The following SNAPC3 variants were observed in gnomAD, a reference collection of about 807,000 sequenced individuals.
The protein encoded by SNAPC3 is snRNA-activating protein complex subunit 3.
SNAPC3 carries 56 observed loss-of-function variants against 47.7 expected under a neutral mutation model. The ratio of observed to expected loss-of-function variants is 1.18; its 90% CI spans 0.95 to 1.47. The LOEUF (loss-of-function observed/expected upper bound fraction) is 1.47. SNAPC3 is among the 40% of genes most tolerant of loss of function. The pLI is 0.00. For missense variants in SNAPC3, 665 were observed against 511.3 expected, an observed-to-expected ratio of 1.30 and a Z score of -2.90; for synonymous variants, 235 against 189.9, an observed-to-expected ratio of 1.24 and a Z score of -1.95.
intron 2 of SNAPC3, among the ~76,000 whole-genome samples, chr9:15,432,696 A>C (rs2032318930): frequency 6.6e-6 from 1 of 152,226 alleles, no homozygotes; most frequent in Non-Finnish European, 1.5e-5. Context: ...TGAAATAAAC[A>C]GATGGGAGGA....
Position 15,460,375 on chromosome 9 carries a change from CAA to C in SNAPC3, c.*512_*513del, listed in dbSNP as rs1471149553. On this transcript the variant is annotated 3_prime_UTR_variant, in exon 9 of 9. Coordinates refer to ENST00000380821, the MANE Select transcript of SNAPC3 (RefSeq NM_001039697.2). ...GAGAATGAATTATTTACAAATAAGACAAAATTAATAGCTTTGGGATTATTTAT... is the reference window on the plus strand; with the variant it reads ...GAGAATGAATTATTTACAAATAAGACAATTAATAGCTTTGGGATTATTTAT... 1.3e-5 allele frequency: 2 copies of C among 152,194 alleles called. No homozygotes were observed. Among genetic ancestry groups the C allele is most frequent in the Admixed American group, 6.5e-5 (1 of 15,274 alleles). 9.4% of individuals were successfully genotyped at this position (152,194 alleles called of 1,614,324 possible).
Position 15,423,035 on chromosome 9 carries a change from G to C in SNAPC3, c.156G>C (p.Arg52=), listed in dbSNP as rs756050395. The C allele has an allele frequency of 1.3e-6, 2 of 1,524,898 alleles. No individual in the cohort carries two copies. Among genetic ancestry groups the C allele is most frequent in the South Asian group, 1.3e-5 (1 of 79,948 alleles). 94.5% of individuals were successfully genotyped at this position (1,524,898 alleles called of 1,614,324 possible). A position where few individuals can be genotyped will look rare whatever the true frequency, so the allele number is the denominator to read the frequency against. ...FHVGAFGELW[R]GRLRGAGDLS... is the part of the protein sequence containing the mutation. Reference sequence around the variant, plus strand: ...TGGGCGCCTTTGGGGAGCTGTGGCGGGGCCGTCTGCGCGGGGCCGGGGACT... The same window carrying C: ...TGGGCGCCTTTGGGGAGCTGTGGCGCGGCCGTCTGCGCGGGGCCGGGGACT... Residue 52 remains arginine (R), a synonymous_variant, in exon 1 of 9, where the codon CGG becomes CGC. Transcript: ENST00000380821.
At chr9:15,465,874 CT>C (rs1299006979), downstream of SNAPC3, 2 of 296,018 alleles carry the variant, frequency 6.8e-6, no homozygotes, top group Non-Finnish European at 1.2e-5. Flanking sequence ...AGTGAATTCT[CT>C]TTAAAGAACA....
At chr9:15,462,478 C>T (rs1159885493), downstream of SNAPC3, 4 of 152,068 alleles carry the variant, frequency 2.6e-5, no homozygotes, top group East Asian at 1.9e-4. Flanking sequence ...TCTCTTTTTT[C>T]GAGGCAGCTT....
chr9:15,434,469 G>A (rs1191678310), intron 3 of SNAPC3, among the ~76,000 whole-genome samples: 10 of 149,658 alleles, frequency 6.7e-5, no homozygotes, highest in Non-Finnish European at 1.5e-4. Context: ...GTGCAGTGGC[G>A]CCATCTCGGC....
chr9:15,433,147 T>G (rs2032378842), intron 2 of SNAPC3, among the ~76,000 whole-genome samples: 1 of 152,118 alleles, frequency 6.6e-6, no homozygotes, highest in Non-Finnish European at 1.5e-5. Context: ...AATAACTGAT[T>G]AGAGCTCTTT....
intron 5 of SNAPC3, among the ~76,000 whole-genome samples, chr9:15,450,950 T>C (rs2034340165): frequency 6.6e-6 from 1 of 152,192 alleles, no homozygotes; most frequent in South Asian, 2.1e-4. Flanking sequence ...TGTAAAAACA[T>C]TGCAAATACA....
At chr9:15,441,939 A>G (rs2033429319) in intron 3 of SNAPC3, among the ~76,000 whole-genome samples, 1 of 152,104 alleles carries the variant, frequency 6.6e-6, no homozygotes, top group Non-Finnish European at 1.5e-5. Flanking sequence ...GCGGCCGGGC[A>G]GAGGAGCTCC....
Position 15,459,729 on chromosome 9 carries a change from A to T in SNAPC3, c.1099A>T (p.Asn367Tyr), listed in dbSNP as rs576635271. The change falls in exon 9 of 9, where the codon AAC becomes TAC. Residue 367 changes from asparagine to tyrosine, a missense_variant. Asn to Tyr is a moderately radical substitution (Grantham distance 143). Transcript: ENST00000380821. ...TTTTAAAAACTACAGATGGGTGACG[A>T]ACAATGACAGTTTTGCACCAGAGGA... ...CKMYTARWVT[N>Y]NDSFAPEDPC... The T allele has an allele frequency of 7.4e-6, 12 of 1,613,136 alleles. No homozygotes were observed. In the African/African-American group the frequency reaches 1.3e-4, roughly 18 times the overall value.
chr9:15,438,612 C>G (rs186331144), intron 3 of SNAPC3, among the ~76,000 whole-genome samples: 71 of 152,182 alleles, frequency 4.7e-4, no homozygotes, highest in African/African-American at 1.6e-3. Flanking sequence ...TACTATATCT[C>G]CCTAAGTTTC....
intron 4 of SNAPC3, 71 bp from the exon 5 acceptor site, chr9:15,447,024 T>C (rs192823193): frequency 2.4e-5 from 30 of 1,262,878 alleles, no homozygotes; most frequent in Non-Finnish European, 3.3e-5. Context: ...AATTTTGATC[T>C]AGTCATGACA....
At position 15,422,973 on chromosome 9, in the gene SNAPC3, T is replaced by A; in HGVS notation, c.94T>A (p.Tyr32Asn). ...SGSGGCNFPE[Y>N]ELPELNTRAF... ...CAGTGGCGGCTGCAACTTTCCAGAG[T>A]ATGAGCTTCCCGAGCTAAATACGCG... Residue 32 changes from tyrosine (Y) to asparagine (N), a missense_variant, in exon 1 of 9, where the codon TAT becomes AAT. Transcript: ENST00000380821. 2 of 1,536,230 alleles carry A rather than the reference T, an allele frequency of 1.3e-6. No individual in the cohort carries two copies.
chr9:15,430,163 G>T (rs1372077349), intron 2 of SNAPC3, among the ~76,000 whole-genome samples: 1 of 152,204 alleles, frequency 6.6e-6, no homozygotes, highest in East Asian at 1.9e-4. Context: ...GCGTGCAGTG[G>T]CTCATGCCTG....
chr9:15,433,718 GGT>G, intron 3 of SNAPC3, 82 bp downstream of exon 3: 1 of 859,104 alleles, frequency 1.2e-6, no homozygotes, highest in Non-Finnish European at 1.9e-6. Flanking sequence ...ATGACAGTAT[GGT>G]AGCTTTATAC....
At chr9:15,438,688 C>T (rs2033048982) in intron 3 of SNAPC3, among the ~76,000 whole-genome samples, 1 of 151,976 alleles carries the variant, frequency 6.6e-6, no homozygotes, top group Non-Finnish European at 1.5e-5. Flanking sequence ...CAATTTTTCT[C>T]CTGTTATTGA....
At chr9:15,429,437 C>T (rs186823723) in intron 2 of SNAPC3, among the ~76,000 whole-genome samples, 34 of 152,058 alleles carry the variant, frequency 2.2e-4, no homozygotes, top group Admixed American at 6.6e-4. Context: ...TTTGTGTAAC[C>T]GTTGGGTATT....
downstream of SNAPC3, chr9:15,461,662 G>A (rs2035232880): frequency 6.6e-6 from 1 of 152,144 alleles, no homozygotes; most frequent in Admixed American, 6.5e-5. Flanking sequence ...ATATCTGGAT[G>A]GCTAAGAACA....
intron 7 of SNAPC3, among the ~76,000 whole-genome samples, chr9:15,455,751 T>A (rs867381759): frequency 7.5e-4 from 114 of 151,992 alleles, no homozygotes; most frequent in African/African-American, 2.4e-3. Flanking sequence ...TAGGCTGGAA[T>A]GCAGTGGCAT....
At chr9:15,436,476 A>G (rs988841990) in intron 3 of SNAPC3, among the ~76,000 whole-genome samples, 1 of 152,200 alleles carries the variant, frequency 6.6e-6, no homozygotes, top group Non-Finnish European at 1.5e-5. Flanking sequence ...AGTTGACCAT[A>G]TAAGTTTCAT....
Sources: gnomAD v4.1 joint callset for allele counts (sites outside exome capture counted in the v4.1 genomes callset) on GRCh38, gnomAD v4.1.1 for gene constraint, MANE v1.5 for transcripts, NCBI Gene and HGNC (gene_info 2026-07-23, HGNC 2026-07-21) for gene names.